GRM7: variants seen among roughly 807,000 people sequenced by gnomAD.
GRM7 encodes the protein metabotropic glutamate receptor 7.
Under a neutral mutation model 84.5 loss-of-function variants are expected in GRM7, and 35 were observed. The ratio of observed to expected loss-of-function variants is 0.41; its 90% confidence interval spans 0.32 to 0.55. GRM7 has a LOEUF of 0.55. Among genes scored for constraint, GRM7 ranks in the 20% least tolerant of loss-of-function variants. GRM7 has a pLI of 0.19. For missense variants in GRM7, 1,003 were observed against 1,194.6 expected (o/e 0.84, Z 2.36); for synonymous variants, 487 against 455.1 (o/e 1.07, Z -0.89).
chr3:7,248,216 A>G (rs918113592), intron 2 of GRM7, among the ~76,000 whole-genome samples: 6 of 152,196 alleles, frequency 3.9e-5, no homozygotes, highest in Admixed American at 6.5e-5. Flanking sequence ...AAGAGACTCA[A>G]ATGTTTATTA....
At chr3:7,240,566 C>T (rs1400442814) in intron 2 of GRM7, among the ~76,000 whole-genome samples, 1 of 152,124 alleles carries the variant, frequency 6.6e-6, no homozygotes, top group Non-Finnish European at 1.5e-5. Flanking sequence ...TTAGAAGAGG[C>T]ATATGTCTCA....
chr3:7,731,084 G>GT (rs201314100), intron 9 of GRM7, among the ~76,000 whole-genome samples: 43,238 of 144,528 alleles, frequency 0.3, 6,996 homozygotes, highest in African/African-American at 0.45. Context: ...TTTTTCTTTT[G>GT]TTTTTTTTTT....
intron 7 of GRM7, among the ~76,000 whole-genome samples, chr3:7,535,834 C>A (rs1184529989): frequency 2.0e-5 from 3 of 152,190 alleles, no homozygotes; most frequent in Non-Finnish European, 4.4e-5. Context: ...ACTTGTCAAA[C>A]CATGCACCTT....
chr3:7,576,031 G>A (rs1387274594), intron 7 of GRM7, among the ~76,000 whole-genome samples: 1 of 152,212 alleles, frequency 6.6e-6, no homozygotes, highest in East Asian at 1.9e-4. Flanking sequence ...TGGCACGTGA[G>A]TAGCCACTAA....
intron 7 of GRM7, among the ~76,000 whole-genome samples, chr3:7,568,298 C>T (rs1026739470): frequency 6.6e-6 from 1 of 151,968 alleles, no homozygotes; most frequent in Non-Finnish European, 1.5e-5. Flanking sequence ...TAAAGACATA[C>T]CTGCACTGGG....
intron 4 of GRM7, among the ~76,000 whole-genome samples, chr3:7,330,493 A>G (rs1235771159): frequency 6.6e-6 from 1 of 152,094 alleles, no homozygotes; most frequent in South Asian, 2.1e-4. Context: ...CTTATCTTGA[A>G]TTGTAGATCC....
chr3:7,585,360 T>C (rs1344129647), intron 8 of GRM7, among the ~76,000 whole-genome samples: 1 of 152,110 alleles, frequency 6.6e-6, no homozygotes, highest in Non-Finnish European at 1.5e-5. Context: ...TGCAGTCGTT[T>C]TTCTTCCTGC....
Position 6,862,607 on chromosome 3 carries a change from G to A in GRM7, c.519+700G>A. 5.1e-6 allele frequency: 1 copy of A among 196,650 alleles called. No individual in the cohort carries two copies. The highest frequency in any genetic ancestry group is 1.0e-5 in the Non-Finnish European group (1 of 96,054). 12.2% of individuals were successfully genotyped at this position (196,650 alleles called of 1,614,324 possible). ...ATTTTGCACCGTCTAAATTACATGT[G>A]CGATCCGGCCACTGGCCGGAGCTGG... On this transcript the variant is annotated intron_variant, in intron 1 of 9. Coordinates refer to ENST00000357716, the MANE Select transcript of GRM7 (RefSeq NM_000844.4). The surrounding 1 kb of genome is among the most constrained non-coding windows in gnomAD (Gnocchi z 5.2).
rs147536103 is a variant in GRM7 at position 7,588,085 on chromosome 3, G to A, written c.2451+8728G>A. 1.7e-3 allele frequency among the ~76,000 whole-genome samples: 254 copies of A among 152,286 alleles called. 1 individual carries two copies. Among genetic ancestry groups the A allele is most frequent in the African/African-American group, 5.5e-3 (228 of 41,550 alleles). On this transcript the variant is annotated intron_variant, in intron 8 of 9. Transcript: ENST00000357716. ...AGACTGCAACACCATAATAATGGAT[G>A]TATATTATGGGTAATCATAAGAATT...
chr3:7,141,097 A>C (rs993373046), intron 1 of GRM7, among the ~76,000 whole-genome samples: 6 of 152,096 alleles, frequency 3.9e-5, no homozygotes, highest in Admixed American at 1.3e-4. Flanking sequence ...AAATAACAAA[A>C]GGGAAAGGAA....
intron 1 of GRM7, among the ~76,000 whole-genome samples, chr3:6,944,708 G>C (rs1179159724): frequency 6.6e-6 from 1 of 152,140 alleles, no homozygotes; most frequent in East Asian, 1.9e-4. Context: ...AGCTGGGAAG[G>C]ATTTGCCCTC....
At chr3:7,550,722 G>T (rs1693427817) in intron 7 of GRM7, among the ~76,000 whole-genome samples, 1 of 151,328 alleles carries the variant, frequency 6.6e-6, no homozygotes, top group African/African-American at 2.4e-5. Context: ...TTTCTGAAAT[G>T]CCCTGGATCA....
At chr3:7,368,080 A>G (rs1381856801) in intron 4 of GRM7, among the ~76,000 whole-genome samples, 1 of 152,062 alleles carries the variant, frequency 6.6e-6, no homozygotes, top group Non-Finnish European at 1.5e-5. Context: ...GAGGACATAG[A>G]ACAAGTGTAA....
intron 7 of GRM7, among the ~76,000 whole-genome samples, chr3:7,501,415 A>G (rs1038172329): frequency 2.7e-4 from 41 of 152,244 alleles, no homozygotes; most frequent in Non-Finnish European, 4.7e-4. Context: ...TAGGCATGAC[A>G]TGATTAAGGC....
At chr3:7,613,576 A>G (rs1409748298) in intron 8 of GRM7, among the ~76,000 whole-genome samples, 1 of 152,164 alleles carries the variant, frequency 6.6e-6, no homozygotes, top group Non-Finnish European at 1.5e-5. Context: ...TTTCCCCTAG[A>G]AGTTTCAGAA....
chr3:7,737,964 C>T (rs1702560867), intron 9 of GRM7, among the ~76,000 whole-genome samples: 1 of 151,786 alleles, frequency 6.6e-6, no homozygotes, highest in Non-Finnish European at 1.5e-5. Context: ...TCTCCTGCCT[C>T]AGCCTCCCGA....
intron 1 of GRM7, among the ~76,000 whole-genome samples, chr3:6,870,656 A>T (rs1471190688): frequency 6.6e-6 from 1 of 152,202 alleles, no homozygotes; most frequent in Admixed American, 6.6e-5. Flanking sequence ...AACAGAGAAG[A>T]GGCATTTCCA....
chr3:7,017,475 C>T (rs553549278), intron 1 of GRM7, among the ~76,000 whole-genome samples: 17 of 152,244 alleles, frequency 1.1e-4, no homozygotes, highest in Admixed American at 7.2e-4. Context: ...CAGTATTGAA[C>T]GGAATAATGC....
At chr3:7,351,109 A>C (rs1020724877) in intron 4 of GRM7, among the ~76,000 whole-genome samples, 1 of 152,106 alleles carries the variant, frequency 6.6e-6, no homozygotes, top group Admixed American at 6.6e-5. Flanking sequence ...CTCTGAAGCC[A>C]ATGATATTTG....
Sources: gnomAD v4.1 joint callset for allele counts (sites outside exome capture counted in the v4.1 genomes callset) on GRCh38, gnomAD v4.1.1 for gene constraint, Gnocchi (gnomAD v3.1) non-coding constraint, MANE v1.5 for transcripts, NCBI Gene and HGNC (gene_info 2026-07-23, HGNC 2026-07-21) for gene names.